FARS2: variants seen among roughly 807,000 people sequenced by gnomAD.
FARS2 encodes the protein phenylalanyl-tRNA synthetase 2, mitochondrial.
A neutral mutation model predicts 46.4 loss-of-function variants in FARS2; 40 were observed. The observed-to-expected ratio is 0.86, with a 90% CI of 0.67 to 1.12. The LOEUF is 1.12. FARS2 is among the 50% of genes most tolerant of loss of function. The pLI is 0.00. For synonymous variants in FARS2, 234 were observed against 214.9 expected (o/e 1.09, Z -0.78); for missense variants, 513 against 567.9 (o/e 0.90, Z 0.98).
chr6:5,278,345 ATTG>A (rs1340880978), intron 1 of FARS2, among the ~76,000 whole-genome samples: 1 of 152,124 alleles, frequency 6.6e-6, no homozygotes, highest in African/African-American at 2.4e-5. Flanking sequence ...AGAGCTTGGT[ATTG>A]TTGCCACGAG....
At chr6:5,662,277 A>C (rs935786731) in intron 6 of FARS2, among the ~76,000 whole-genome samples, 5 of 152,144 alleles carry the variant, frequency 3.3e-5, no homozygotes, top group African/African-American at 1.2e-4. Flanking sequence ...CATTGCAGAC[A>C]ATATTATTAT....
chr6:5,712,200 T>C (rs1280688885), intron 6 of FARS2, among the ~76,000 whole-genome samples: 4 of 152,222 alleles, frequency 2.6e-5, no homozygotes, highest in Non-Finnish European at 5.9e-5. Context: ...CCTTCTCCTT[T>C]CCATCCTCAC....
intron 5 of FARS2, among the ~76,000 whole-genome samples, chr6:5,558,298 G>A (rs1044889274): frequency 1.3e-5 from 2 of 152,124 alleles, no homozygotes; most frequent in African/African-American, 2.4e-5. Flanking sequence ...AGGGCTGCCT[G>A]TATTTAGACA....
intron 6 of FARS2, among the ~76,000 whole-genome samples, chr6:5,744,099 G>C (rs1432634902): frequency 6.6e-6 from 1 of 152,210 alleles, no homozygotes; most frequent in Non-Finnish European, 1.5e-5. Flanking sequence ...ACAGTGGTTT[G>C]TGAGGGGAAG....
intron 1 of FARS2, among the ~76,000 whole-genome samples, chr6:5,350,787 A>G (rs1004722815): frequency 6.6e-6 from 1 of 152,220 alleles, no homozygotes; most frequent in Non-Finnish European, 1.5e-5. Context: ...AATTGGGTAA[A>G]GAGTCCATGG....
intron 6 of FARS2, among the ~76,000 whole-genome samples, chr6:5,763,768 G>GTTT (rs77014974): frequency 4.6e-5 from 3 of 65,402 alleles, no homozygotes; most frequent in African/African-American, 8.1e-5. Flanking sequence ...TTCCCTTTTG[G>GTTT]TTTTTTTTTT....
intron 1 of FARS2, among the ~76,000 whole-genome samples, chr6:5,356,071 T>A (rs1392909560): frequency 1.3e-5 from 2 of 152,224 alleles, no homozygotes; most frequent in African/African-American, 4.8e-5. Context: ...GCTCTCAAAC[T>A]GTAAACAAGT....
intron 1 of FARS2, among the ~76,000 whole-genome samples, chr6:5,297,173 C>T (rs1767952414): frequency 6.6e-6 from 1 of 152,230 alleles, no homozygotes. Context: ...AGACCTGAAT[C>T]TGAATTTGAC....
intron 1 of FARS2, among the ~76,000 whole-genome samples, chr6:5,330,123 CAG>C (rs144311686): frequency 0.014 from 2,066 of 152,234 alleles, 43 homozygotes; most frequent in African/African-American, 0.046. Context: ...CAATCAGGAA[CAG>C]GGGACAAACA....
At chr6:5,638,474 A>G (rs1375758226) in intron 6 of FARS2, among the ~76,000 whole-genome samples, 1 of 152,238 alleles carries the variant, frequency 6.6e-6, no homozygotes, top group Non-Finnish European at 1.5e-5. Flanking sequence ...CTGAGGCAGG[A>G]GAATCGCTTG....
At chr6:5,310,035 G>A (rs1768979965) in intron 1 of FARS2, among the ~76,000 whole-genome samples, 2 of 151,976 alleles carry the variant, frequency 1.3e-5, no homozygotes, top group South Asian at 4.2e-4. Context: ...ACAGATGAAT[G>A]GAACAAAATA....
chr6:5,453,794 G>A (rs1764653549), intron 4 of FARS2, among the ~76,000 whole-genome samples: 4 of 152,208 alleles, frequency 2.6e-5, no homozygotes, highest in African/African-American at 9.7e-5. Flanking sequence ...CACAGTGCCA[G>A]TGGGTAGTCT....
intron 6 of FARS2, among the ~76,000 whole-genome samples, chr6:5,646,034 G>A (rs1777058187): frequency 6.6e-6 from 1 of 152,152 alleles, no homozygotes; most frequent in Non-Finnish European, 1.5e-5. Context: ...ATTTTTCTGT[G>A]TAAGTCTCGT....
At chr6:5,450,743 A>G (rs1344050688) in intron 4 of FARS2, among the ~76,000 whole-genome samples, 2 of 152,106 alleles carry the variant, frequency 1.3e-5, no homozygotes, top group Admixed American at 1.3e-4. Flanking sequence ...TCAAAGGTTG[A>G]GGCGGGAGAA....
chr6:5,378,253 T>C (rs1759511190), intron 2 of FARS2, among the ~76,000 whole-genome samples: 1 of 151,982 alleles, frequency 6.6e-6, no homozygotes, highest in African/African-American at 2.4e-5. Context: ...AGAACCACTG[T>C]CCTCAAACCA....
intron 4 of FARS2, chr6:5,466,652 T>C: frequency 1.0e-6 from 1 of 985,428 alleles, no homozygotes; most frequent in Non-Finnish European, 1.2e-6. Flanking sequence ...TTCTCAGGCA[T>C]GCTGGCAAAG....
At chr6:5,711,264 T>C (rs754723744) in intron 6 of FARS2, among the ~76,000 whole-genome samples, 6 of 150,404 alleles carry the variant, frequency 4.0e-5, no homozygotes, top group Non-Finnish European at 8.9e-5. Context: ...TCCATCCGAT[T>C]ATACCAATAT....
intron 5 of FARS2, among the ~76,000 whole-genome samples, chr6:5,606,358 G>A (rs1774836325): frequency 6.6e-6 from 1 of 151,846 alleles, no homozygotes; most frequent in South Asian, 2.2e-4. Context: ...TTGCTAATAG[G>A]CGGCAGGGAA....
At chr6:5,498,752 A>G (rs990886736) in intron 4 of FARS2, among the ~76,000 whole-genome samples, 5 of 152,194 alleles carry the variant, frequency 3.3e-5, no homozygotes, top group East Asian at 1.9e-4. Flanking sequence ...CTGTTTCTTT[A>G]CAGCAGGATA....
Sources: allele counts gnomAD v4.1 joint callset (sites outside exome capture counted in the v4.1 genomes callset), GRCh38; gene constraint gnomAD v4.1.1; transcripts MANE v1.5; gene names NCBI Gene and HGNC (gene_info 2026-07-23, HGNC 2026-07-21).